The following SLC11A2 variants were observed in gnomAD, a reference collection of about 807,000 sequenced individuals.
SLC11A2 encodes natural resistance-associated macrophage protein 2.
A neutral mutation model predicts 68.0 loss-of-function variants in SLC11A2; 38 were observed. The observed-to-expected ratio is 0.56, with a 90% CI of 0.43 to 0.73. SLC11A2 has a LOEUF of 0.73. Among genes scored for constraint, SLC11A2 ranks in the 30% least tolerant of loss-of-function variants. SLC11A2 has a pLI of 0.00. For synonymous variants in SLC11A2, 242 were observed against 250.6 expected, an observed-to-expected ratio of 0.97 and a Z score of 0.32; for missense variants, 517 against 690.5, an observed-to-expected ratio of 0.75 and a Z score of 2.82.
the SLC11A2 span, among the ~76,000 whole-genome samples, chr12:50,958,037 C>T: frequency 1.3e-5 from 2 of 148,828 alleles, no homozygotes. Context: ...AACTTCTGAC[C>T]TCAAGTGATA....
intron 1 of SLC11A2, among the ~76,000 whole-genome samples, chr12:51,025,502 C>A (rs908126826): frequency 6.6e-6 from 1 of 152,230 alleles, no homozygotes; most frequent in Non-Finnish European, 1.5e-5. Flanking sequence ...CTCCATTTTT[C>A]ACCAACAGTC....
At chr12:50,978,815 G>C (rs907875726), downstream of SLC11A2, among the ~76,000 whole-genome samples, 1 of 152,058 alleles carries the variant, frequency 6.6e-6, no homozygotes, top group African/African-American at 2.4e-5. Context: ...AATTTTAGTG[G>C]CCTCATGTTG....
chr12:50,962,346 G>A, the SLC11A2 span, among the ~76,000 whole-genome samples: 7 of 152,104 alleles, frequency 4.6e-5, no homozygotes, highest in Admixed American at 1.3e-4. Context: ...GGGAGGTGGA[G>A]GTTGCAGTGA....
chr12:50,953,135 C>T, the SLC11A2 span, among the ~76,000 whole-genome samples: 2 of 152,148 alleles, frequency 1.3e-5, no homozygotes, highest in East Asian at 1.9e-4. Context: ...CTGGGCTTTC[C>T]CATTATCAAT....
intron 1 of SLC11A2, among the ~76,000 whole-genome samples, chr12:51,022,847 G>C (rs1435095845): frequency 1.3e-5 from 2 of 152,054 alleles, no homozygotes; most frequent in African/African-American, 2.4e-5. Flanking sequence ...ACACAAACCT[G>C]ACACAAAATG....
the SLC11A2 span, among the ~76,000 whole-genome samples, chr12:50,965,894 C>A: frequency 1.7e-4 from 26 of 152,142 alleles, no homozygotes; most frequent in Admixed American, 7.9e-4. Flanking sequence ...GATTTCTGGG[C>A]CTGTGAAAAT....
chr12:51,008,253 GATAGATA>G (rs373032765), intron 3 of SLC11A2: 202,977 of 307,694 alleles, frequency 0.66, 59,994 homozygotes, highest in Non-Finnish European at 0.73. Flanking sequence ...TAGATAGATA[GATAGATA>G]GACGGACAGA....
chr12:50,991,453 T>G, intron 14 of SLC11A2, 146 bp downstream of exon 14: 1 of 698,236 alleles, frequency 1.4e-6, no homozygotes, highest in South Asian at 1.6e-5. Flanking sequence ...CAGTTTCCAT[T>G]CTCTAAGCCA....
At chr12:50,983,465 A>T (rs1940248186), downstream of SLC11A2, among the ~76,000 whole-genome samples, 3 of 152,152 alleles carry the variant, frequency 2.0e-5, no homozygotes, top group Non-Finnish European at 4.4e-5. Flanking sequence ...GCCACTTTCT[A>T]TGGCCTTCAG....
chr12:50,999,666 C>A (rs1942031024), intron 6 of SLC11A2: 2 of 514,478 alleles, frequency 3.9e-6, no homozygotes, highest in Non-Finnish European at 7.0e-6. Context: ...TGGGTCTTAC[C>A]CTCATGGAGT....
Position 50,987,541 on chromosome 12 carries a change from G to T in SLC11A2, c.*784C>A, listed in dbSNP as rs772485740. ...AAGTTAAGGTTTTACAACCACATGT[G>T]CTCAAGAGTAAATATCATCAGGAAA... is the stretch of plus-strand genomic sequence containing the variant. On this transcript the variant is annotated 3_prime_UTR_variant, in exon 16 of 16. Transcript: ENST00000262052. The T allele has an allele frequency of 1.3e-5, 17 of 1,287,164 alleles. No individual in the cohort carries two copies. The highest frequency in any genetic ancestry group is 1.6e-5 in the Non-Finnish European group (16 of 988,688). 79.7% of individuals were successfully genotyped at this position (1,287,164 alleles called of 1,614,324 possible).
At chr12:50,981,745 T>C, downstream of SLC11A2, 1 of 1,535,652 alleles carries the variant, frequency 6.5e-7, no homozygotes, top group Non-Finnish European at 8.7e-7. Context: ...CACAAGTGAG[T>C]CAGCGTCCAT....
intron 5 of SLC11A2, among the ~76,000 whole-genome samples, chr12:51,004,581 G>A (rs1380434929): frequency 6.6e-6 from 1 of 152,138 alleles, no homozygotes; most frequent in Non-Finnish European, 1.5e-5. Flanking sequence ...TAGGAAATGC[G>A]AGTCTCAAGT....
intron 2 of SLC11A2, among the ~76,000 whole-genome samples, chr12:51,010,343 C>A (rs1943109351): frequency 6.6e-6 from 1 of 151,974 alleles, no homozygotes; most frequent in Non-Finnish European, 1.5e-5. Flanking sequence ...CATGGCGAAA[C>A]CCTGTCTCTA....
At chr12:51,008,321 G>C (rs1434222964) in intron 3 of SLC11A2, 155 bp downstream of exon 3, 3 of 617,332 alleles carry the variant, frequency 4.9e-6, no homozygotes, top group Non-Finnish European at 5.8e-6. Flanking sequence ...GTGTGTGTGT[G>C]TGTGTATATA....
At chr12:50,983,273 C>T (rs1403745216), downstream of SLC11A2, among the ~76,000 whole-genome samples, 2 of 152,188 alleles carry the variant, frequency 1.3e-5, no homozygotes, top group African/African-American at 2.4e-5. Flanking sequence ...TCGAATACAC[C>T]TTGAGACAAG....
the SLC11A2 span, among the ~76,000 whole-genome samples, chr12:50,953,279 TAA>T: frequency 1.3e-5 from 2 of 152,212 alleles, no homozygotes; most frequent in African/African-American, 4.8e-5. Context: ...TTCTTACGCT[TAA>T]GTTTTCTGAT....
Position 50,988,212 on chromosome 12 carries a change from G to C in SLC11A2, c.*113C>G. 6.3e-7 allele frequency: 1 copy of C among 1,579,608 alleles called. No homozygotes were observed. The highest frequency in any genetic ancestry group is 1.3e-5 in the African/African-American group (1 of 74,138). ...ACAAAGTCTTTTCCAACCAACGGTTGAGTCATAAACACAGTCTGTGCAACG... is the reference window on the plus strand; with the variant it reads ...ACAAAGTCTTTTCCAACCAACGGTTCAGTCATAAACACAGTCTGTGCAACG... On this transcript the variant is annotated 3_prime_UTR_variant, in exon 16 of 16. Coordinates refer to ENST00000262052, the MANE Select transcript of SLC11A2 (RefSeq NM_000617.3).
At position 50,987,022 on chromosome 12, in the gene SLC11A2, A is replaced by G. The variant is rs1565979417; in HGVS notation, c.*1303T>C. On this transcript the variant is annotated 3_prime_UTR_variant, in exon 16 of 16. Coordinates refer to ENST00000262052, the MANE Select transcript of SLC11A2 (RefSeq NM_000617.3). ...AAAACAGTTTTGATTATTTATCTCCATCAAAGTGATTTGATTTGAGATAAT... is the reference window on the plus strand; with the variant it reads ...AAAACAGTTTTGATTATTTATCTCCGTCAAAGTGATTTGATTTGAGATAAT... The G allele has an allele frequency of 1.9e-5, 24 of 1,286,000 alleles. No individual in the cohort carries two copies. The highest frequency in any genetic ancestry group is 2.3e-5 in the Non-Finnish European group (23 of 988,210). The allele number at this position is 1,286,000 out of a possible 1,614,324, so 79.7% of individuals were successfully genotyped here. A position where few individuals can be genotyped will look rare whatever the true frequency, so the allele number is the denominator to read the frequency against.
Sources: allele counts gnomAD v4.1 joint callset (sites outside exome capture counted in the v4.1 genomes callset), GRCh38; gene constraint gnomAD v4.1.1; transcripts MANE v1.5; gene names NCBI Gene and HGNC (gene_info 2026-07-23, HGNC 2026-07-21).